Variants in FRYL observed in about 807,000 individuals in gnomAD.
The protein encoded by FRYL is protein furry homolog-like.
Under a neutral mutation model 351.2 loss-of-function variants are expected in FRYL, and 150 were observed. The ratio of observed to expected loss-of-function variants is 0.43; its 90% CI spans 0.37 to 0.49. FRYL has a LOEUF of 0.49. Ranked by LOEUF, FRYL falls within the 20% of genes least tolerant of loss-of-function variation. The pLI is 0.00. For missense variants in FRYL, 3,036 were observed against 3,619.3 expected (o/e 0.84, Z 4.13); for synonymous variants, 1,153 against 1,257.1 (o/e 0.92, Z 1.75).
intron 53 of FRYL, among the ~76,000 whole-genome samples, chr4:48,525,438 C>T (rs749790450): frequency 1.3e-5 from 2 of 152,130 alleles, no homozygotes; most frequent in Admixed American, 6.6e-5. Flanking sequence ...CTCACATCTG[C>T]AGGGGGCACT....
chr4:48,530,076 A>T (rs1727202694), intron 50 of FRYL, among the ~76,000 whole-genome samples: 1 of 152,102 alleles, frequency 6.6e-6, no homozygotes, highest in Non-Finnish European at 1.5e-5. Flanking sequence ...AAAACTTCAG[A>T]TCCCAAAATT....
At chr4:48,674,796 G>T (rs1462530689) in intron 3 of FRYL, among the ~76,000 whole-genome samples, 1 of 147,754 alleles carries the variant, frequency 6.8e-6, no homozygotes, top group Non-Finnish European at 1.5e-5. Flanking sequence ...GAAGCCCTTT[G>T]CTGTAACACA....
At position 48,548,785 on chromosome 4, in the gene FRYL, A is replaced by G; in HGVS notation, c.4793T>C (p.Ile1598Thr). The change falls in exon 40 of 64, where the codon ATA becomes ACA. Residue 1598 changes from isoleucine to threonine, a missense_variant. Physicochemically the swap from Ile to Thr is moderately conservative, Grantham distance 89 (BLOSUM62 -1). Transcript: ENST00000358350. Reference protein sequence around the residue: ...SPGLPLHRCNIAVILLTDLII... With the variant: ...SPGLPLHRCNTAVILLTDLII... ...GAGATCAGTCAAAAGGATCACTGCTATGTTACACCTATGACAAATAAGAGT... is the reference window on the plus strand; with the variant it reads ...GAGATCAGTCAAAAGGATCACTGCTGTGTTACACCTATGACAAATAAGAGT... 6.3e-7 allele frequency: 1 copy of G among 1,588,918 alleles called. No homozygotes were observed. The highest frequency in any genetic ancestry group is 2.2e-5 in the East Asian group (1 of 44,606).
chr4:48,528,432 TA>T (rs1194807894), intron 50 of FRYL, 96 bp from the exon 51 acceptor site: 653 of 861,292 alleles, frequency 7.6e-4, no homozygotes, highest in South Asian at 1.5e-3. Flanking sequence ...TTTTTACAAA[TA>T]AAAAAAAAGA....
chr4:48,698,067 C>A (rs7672975), intron 2 of FRYL, among the ~76,000 whole-genome samples: 4,901 of 152,198 alleles, frequency 0.032, 252 homozygotes, highest in African/African-American at 0.11. Context: ...CTGCTACCAT[C>A]AAGGAGTTTA....
At chr4:48,548,163 G>A (rs1381224363) in intron 40 of FRYL, among the ~76,000 whole-genome samples, 1 of 152,078 alleles carries the variant, frequency 6.6e-6, no homozygotes, top group Non-Finnish European at 1.5e-5. Context: ...TGCCCATCAG[G>A]AAAACTTATA....
At chr4:48,755,936 TA>T (rs869261013) in intron 1 of FRYL, among the ~76,000 whole-genome samples, 173 of 139,156 alleles carry the variant, frequency 1.2e-3, no homozygotes, top group Admixed American at 1.7e-3. Context: ...AAAATTCAAT[TA>T]AAAAAAAAAA....
chr4:48,561,726 T>C, intron 32 of FRYL, 90 bp from the exon 33 acceptor site: 2 of 1,021,082 alleles, frequency 2.0e-6, no homozygotes, highest in Non-Finnish European at 2.8e-6. Flanking sequence ...AAAAAACTCT[T>C]CTCCCCAGCT....
chr4:48,537,540 C>G (rs190449902), intron 47 of FRYL, among the ~76,000 whole-genome samples: 96 of 152,286 alleles, frequency 6.3e-4, no homozygotes, highest in African/African-American at 2.1e-3. Flanking sequence ...CAGAAAATTA[C>G]TCTCTACAGT....
intron 1 of FRYL, among the ~76,000 whole-genome samples, chr4:48,739,764 G>A (rs991336415): frequency 2.6e-5 from 4 of 152,168 alleles, no homozygotes; most frequent in African/African-American, 7.2e-5. Flanking sequence ...CTTAATCCTC[G>A]ATGTGGTAGT....
chr4:48,529,894 G>A (rs933373254), intron 50 of FRYL, among the ~76,000 whole-genome samples: 3 of 152,126 alleles, frequency 2.0e-5, no homozygotes, highest in Non-Finnish European at 4.4e-5. Flanking sequence ...AGGCTCCAGG[G>A]TTCCTTCTGG....
chr4:48,565,556 T>C lies in FRYL; in HGVS notation c.3305A>G (p.Asn1102Ser), dbSNP rs1736588883. 1.2e-6 allele frequency: 2 copies of C among 1,608,924 alleles called. No homozygotes were observed. Among genetic ancestry groups the C allele is most frequent in the Non-Finnish European group, 1.7e-6 (2 of 1,178,804 alleles). ...CTTTAACGCACAGTATTGATGTCTA[T>C]TAATTTGCATATTTCTATCACTGTA... Reference protein sequence around the residue: ...DRYSDRNMQINRHQYCALKAM... With the variant: ...DRYSDRNMQISRHQYCALKAM... Residue 1102 changes from asparagine (N) to serine (S), a missense_variant, in exon 29 of 64, where the codon AAT becomes AGT. Asn to Ser is a conservative substitution (Grantham distance 46, BLOSUM62 1). This residue lies in a region of FRYL where 1,987 missense variants were observed against 2,311.7 expected (regional missense o/e 0.86). Transcript: ENST00000358350.
chr4:48,533,513 G>A (rs1728161598), intron 49 of FRYL, among the ~76,000 whole-genome samples: 1 of 152,142 alleles, frequency 6.6e-6, no homozygotes, highest in Non-Finnish European at 1.5e-5. Flanking sequence ...ATATGAACTA[G>A]AATAAATTCC....
chr4:48,595,727 A>C, intron 14 of FRYL, 29 bp from the exon 15 acceptor site: 2 of 1,429,822 alleles, frequency 1.4e-6, no homozygotes, highest in Non-Finnish European at 2.0e-6. Context: ...AGTCATAGTG[A>C]GATCATAACA....
chr4:48,702,536 G>A (rs1250105759), intron 2 of FRYL, among the ~76,000 whole-genome samples: 61 of 147,350 alleles, frequency 4.1e-4, no homozygotes, highest in African/African-American at 1.4e-3. Flanking sequence ...AGCACTTTGG[G>A]AGGCCGAGGC....
chr4:48,673,219 C>T (rs1250443839), intron 3 of FRYL, among the ~76,000 whole-genome samples: 1 of 152,146 alleles, frequency 6.6e-6, no homozygotes, highest in Non-Finnish European at 1.5e-5. Flanking sequence ...CAGAGTGTTA[C>T]AAAAACTAAT....
rs555839204 is a variant in FRYL at position 48,573,860 on chromosome 4, T to C, written c.2847-617A>G. On this transcript the variant is annotated intron_variant, in intron 25 of 63. Transcript: ENST00000358350. ...GCCACCGCGCCTGGCCTATTTTTCTTTTCTTACACTAACATAGTTAATTTT... is the reference window on the plus strand; with the variant it reads ...GCCACCGCGCCTGGCCTATTTTTCTCTTCTTACACTAACATAGTTAATTTT... Among the ~76,000 whole-genome samples the C allele has an allele frequency of 4.6e-5, 7 of 152,288 alleles. No homozygotes were observed. In the South Asian group the frequency reaches 1.2e-3, roughly 27 times the overall value.
intron 32 of FRYL, 28 bp from the exon 33 acceptor site, chr4:48,561,664 G>C (rs1277427460): frequency 6.4e-7 from 1 of 1,557,370 alleles, no homozygotes; most frequent in Admixed American, 1.9e-5. Flanking sequence ...CATCAACTTA[G>C]GTTAAGATTT....
intron 54 of FRYL, among the ~76,000 whole-genome samples, chr4:48,521,729 G>A (rs1359801244): frequency 1.3e-5 from 2 of 152,196 alleles, no homozygotes; most frequent in East Asian, 1.9e-4. Context: ...CGGGTGCATC[G>A]TAGACAGTCA....
Sources: gnomAD v4.1 joint callset for allele counts (sites outside exome capture counted in the v4.1 genomes callset) on GRCh38, gnomAD v4.1.1 for gene constraint, gnomAD v4.1.1 regional missense constraint, MANE v1.5 for transcripts, NCBI Gene and HGNC (gene_info 2026-07-23, HGNC 2026-07-21) for gene names.